MICAL3: variants seen among roughly 807,000 people sequenced by gnomAD.
The protein encoded by MICAL3 is [F-actin]-monooxygenase MICAL3.
MICAL3 carries 62 observed loss-of-function variants against 207.4 expected under a neutral mutation model. That is an observed-to-expected ratio of 0.30 (90% CI 0.24 to 0.37). The LOEUF (loss-of-function observed/expected upper bound fraction) is 0.37. MICAL3 is among the 10% of genes least tolerant of loss of function. MICAL3 has a pLI of 1.00. For synonymous variants in MICAL3, 1,077 were observed against 1,069.3 expected (o/e 1.01, Z -0.14); for missense variants, 2,368 against 2,635.6 (o/e 0.90, Z 2.22).
chr22:17,867,158 T>C (rs956970927), intron 17 of MICAL3, among the ~76,000 whole-genome samples: 1 of 152,242 alleles, frequency 6.6e-6, no homozygotes, highest in African/African-American at 2.4e-5. Context: ...TTACCTGCAC[T>C]CCCTATCCAA....
At chr22:17,800,085 GAGA>G (rs1483631225) in intron 29 of MICAL3, among the ~76,000 whole-genome samples, 2 of 152,072 alleles carry the variant, frequency 1.3e-5, no homozygotes, top group Non-Finnish European at 2.9e-5. Context: ...ATGAAACTCA[GAGA>G]AGCAGAGAGA....
At chr22:17,851,773 T>C (rs1186503219) in intron 19 of MICAL3, among the ~76,000 whole-genome samples, 1 of 152,176 alleles carries the variant, frequency 6.6e-6, no homozygotes, top group Non-Finnish European at 1.5e-5. Context: ...AAGACGCCAA[T>C]GGCACAGAGG....
At chr22:17,867,835 G>A (rs1427231331) in intron 17 of MICAL3, among the ~76,000 whole-genome samples, 1 of 152,314 alleles carries the variant, frequency 6.6e-6, no homozygotes, top group East Asian at 1.9e-4. Context: ...GCTTATTACA[G>A]TAACAGAAAA....
intron 1 of MICAL3, among the ~76,000 whole-genome samples, chr22:17,951,459 G>A (rs1281722538): frequency 6.6e-6 from 1 of 151,502 alleles, no homozygotes; most frequent in Non-Finnish European, 1.5e-5. Flanking sequence ...CCTGTGTGAC[G>A]CATGACACAC....
intron 17 of MICAL3, among the ~76,000 whole-genome samples, chr22:17,869,632 T>C (rs1349814629): frequency 6.6e-6 from 1 of 152,090 alleles, no homozygotes; most frequent in Non-Finnish European, 1.5e-5. Flanking sequence ...ACAAGTAAAA[T>C]ATGGGGACAT....
At chr22:17,816,849 T>TATGCTCCC in intron 26 of MICAL3, 65 bp from the exon 27 acceptor site, 1 of 1,210,956 alleles carries the variant, frequency 8.3e-7, no homozygotes, top group Non-Finnish European at 1.2e-6. Context: ...CTCCTGCTCC[T>TATGCTCCC]ATGCTCCCAT....
At chr22:17,997,852 A>G (rs1035554376) in intron 1 of MICAL3, among the ~76,000 whole-genome samples, 2 of 152,174 alleles carry the variant, frequency 1.3e-5, no homozygotes, top group African/African-American at 4.8e-5. Context: ...TAAACACTCA[A>G]TAAATGTTAA....
At chr22:17,805,857 T>G (rs1230075714) in intron 29 of MICAL3, among the ~76,000 whole-genome samples, 3 of 152,158 alleles carry the variant, frequency 2.0e-5, no homozygotes, top group Non-Finnish European at 4.4e-5. Flanking sequence ...GCCTCCCGAG[T>G]AGCTGGGATT....
At chr22:17,828,277 G>A (rs915467585) in intron 21 of MICAL3, among the ~76,000 whole-genome samples, 16 of 152,264 alleles carry the variant, frequency 1.1e-4, no homozygotes, top group Non-Finnish European at 2.1e-4. Context: ...CCCAGCTGAT[G>A]GCCAGGTGAC....
chr22:17,885,102 G>A (rs923282949), intron 16 of MICAL3, among the ~76,000 whole-genome samples: 1 of 152,178 alleles, frequency 6.6e-6, no homozygotes, highest in Non-Finnish European at 1.5e-5. Context: ...AGACAATCAA[G>A]GGGAGAGACA....
In MICAL3 at chr22:17,950,222, C is replaced by T. The variant is rs371585073; in HGVS notation, c.-74-43336G>A. Among the ~76,000 whole-genome samples the T allele has an allele frequency of 3.5e-4, 52 of 149,738 alleles. No homozygotes were observed. In the East Asian group the frequency reaches 7.8e-3, roughly 22 times the overall value. ...TGTTACCCAGGCTGGAATGCAGTGG[C>T]GCTATCTTGGCTCACTGCAACCTCC... On this transcript the variant is annotated intron_variant, in intron 1 of 31. Coordinates refer to ENST00000441493, the MANE Select transcript of MICAL3 (RefSeq NM_015241.3).
Position 17,806,019 on chromosome 22 carries a change from C to T in MICAL3, c.5650+2825G>A, listed in dbSNP as rs1013001026. ...TGTTGGGATTACAGGCGTGAGCCAC[C>T]GCGCCCGGCCCAAATGTTTTATATG... On this transcript the variant is annotated intron_variant, in intron 29 of 31. Coordinates refer to ENST00000441493, the MANE Select transcript of MICAL3 (RefSeq NM_015241.3). Among the ~76,000 whole-genome samples, 6 of 152,186 alleles carry T rather than the reference C, an allele frequency of 3.9e-5. 1 individual carries two copies. The highest frequency in any genetic ancestry group is 2.1e-4 in the South Asian group (1 of 4,826).
chr22:17,985,993 C>T (rs377188470), intron 1 of MICAL3, among the ~76,000 whole-genome samples: 4 of 152,114 alleles, frequency 2.6e-5, no homozygotes, highest in African/African-American at 7.2e-5. Context: ...CTGAAACCTC[C>T]GCCTCCTGGG....
intron 28 of MICAL3, among the ~76,000 whole-genome samples, chr22:17,810,299 G>A (rs531753546): frequency 1.2e-4 from 19 of 152,210 alleles, no homozygotes; most frequent in Middle Eastern, 6.8e-3. Context: ...TCCTGACCTT[G>A]TGATCCGCCC....
chr22:17,832,233 C>CAGGAGGG (rs1922880413), intron 20 of MICAL3, 126 bp from the exon 21 acceptor site: 1 of 1,246,298 alleles, frequency 8.0e-7, no homozygotes, highest in Non-Finnish European at 1.1e-6. Flanking sequence ...CGGAGAGAGA[C>CAGGAGGG]AGGAGGGAGG....
At chr22:17,874,876 A>T (rs986775801) in intron 16 of MICAL3, among the ~76,000 whole-genome samples, 1 of 152,172 alleles carries the variant, frequency 6.6e-6, no homozygotes, top group Non-Finnish European at 1.5e-5. Flanking sequence ...ATATGCTACC[A>T]TGCACATAGG....
intron 1 of MICAL3, among the ~76,000 whole-genome samples, chr22:18,007,922 CAAA>C (rs60544257): frequency 4.8e-3 from 180 of 37,716 alleles, no homozygotes; most frequent in African/African-American, 0.014. Flanking sequence ...GACTCCATCT[CAAA>C]AAAAAAAAAA....
At chr22:17,959,255 T>A (rs1934784802) in intron 1 of MICAL3, among the ~76,000 whole-genome samples, 1 of 151,614 alleles carries the variant, frequency 6.6e-6, no homozygotes. Flanking sequence ...GACCTTGTGA[T>A]CCACCCACCT....
intron 17 of MICAL3, among the ~76,000 whole-genome samples, chr22:17,871,062 C>T (rs1032115531): frequency 6.6e-6 from 1 of 152,082 alleles, no homozygotes; most frequent in African/African-American, 2.4e-5. Flanking sequence ...TAATCTAGGC[C>T]CCCTCATTAC....
Sources: allele counts gnomAD v4.1 joint callset (sites outside exome capture counted in the v4.1 genomes callset), GRCh38; gene constraint gnomAD v4.1.1; transcripts MANE v1.5; gene names NCBI Gene and HGNC (gene_info 2026-07-23, HGNC 2026-07-21).